AIRE: variants seen among roughly 807,000 people sequenced by gnomAD.
AIRE encodes the protein autoimmune polyendocrinopathy candidiasis ectodermal dystrophy protein.
A neutral mutation model predicts 62.1 loss-of-function variants in AIRE; 52 were observed. The ratio of observed to expected loss-of-function variants is 0.84; its 90% CI spans 0.67 to 1.06. The LOEUF (loss-of-function observed/expected upper bound fraction) is 1.06, where lower values mean the gene tolerates loss of function less well. Among genes scored for constraint, AIRE ranks in the 50% least tolerant of loss-of-function variants. The pLI is 0.00. For missense variants in AIRE, 774 were observed against 755.8 expected (o/e 1.02, Z -0.28); for synonymous variants, 342 against 321.6 (o/e 1.06, Z -0.68).
intron 10 of AIRE, 59 bp from the exon 11 acceptor site, chr21:44,293,730 C>T (rs1276958939): frequency 1.8e-5 from 29 of 1,592,988 alleles, no homozygotes; most frequent in Admixed American, 5.0e-5. Flanking sequence ...GGCTCGGGTT[C>T]GGGTTCAGCT....
Position 44,287,048 on chromosome 21 carries a change from C to T in AIRE, c.378C>T (p.Pro126=). ...TCCCCAAGGCTTTGGTACCGCCACC[C>T]AGACTCCCCACCAAGAGGAAGGCCT... ...PAVPKALVPP[P]RLPTKRKASE... Residue 126 remains proline, a synonymous_variant, in exon 3 of 14, where the codon CCC becomes CCT. Coordinates refer to ENST00000291582, the MANE Select transcript of AIRE (RefSeq NM_000383.4). The surrounding 1 kb of genome is among the most constrained non-coding windows in gnomAD (Gnocchi z 4.3). 1 of 1,612,842 alleles carries T rather than the reference C, an allele frequency of 6.2e-7. No homozygotes were observed. The highest frequency in any genetic ancestry group is 1.7e-4 in the Middle Eastern group (1 of 6,060).
At chr21:44,292,786 A>T (rs1221077415) in intron 9 of AIRE, among the ~76,000 whole-genome samples, 1 of 151,712 alleles carries the variant, frequency 6.6e-6, no homozygotes, top group Non-Finnish European at 1.5e-5. Context: ...TAGACGGGGG[A>T]GGAGGGAGGA....
chr21:44,292,879 A>AGCCCTCCGCCCCCACCCTGCCC, intron 9 of AIRE, 114 bp from the exon 10 acceptor site: 1 of 897,358 alleles, frequency 1.1e-6, no homozygotes, highest in South Asian at 1.4e-5. Flanking sequence ...CCACCATGCC[A>AGCCCTCCGCCCCCACCCTGCCC]GGCCTCTGCC....
chr21:44,291,466 G>A (rs1427981807), intron 8 of AIRE, among the ~76,000 whole-genome samples: 1 of 152,144 alleles, frequency 6.6e-6, no homozygotes, highest in South Asian at 2.1e-4. Flanking sequence ...GGCCCAGGGC[G>A]AAGATGCCAC....
Position 44,286,805 on chromosome 21 carries a change from G to A in AIRE, c.307+74G>A. ...TCACCTGCTCAGCCCAGCTGGACTG[G>A]AACCGGAGTGGTGTTTGAGGAGCCC... On this transcript the variant is annotated intron_variant, in intron 2 of 13. Transcript: ENST00000291582. This position sits in a 1 kb window ranked among gnomAD's most constrained non-coding sequence, Gnocchi z 6.0. 2 of 1,586,490 alleles carry A rather than the reference G, an allele frequency of 1.3e-6. No homozygotes were observed. Among genetic ancestry groups the A allele is most frequent in the South Asian group, 1.1e-5 (1 of 90,194 alleles).
rs778427208 is a variant in AIRE at position 44,293,032 on chromosome 21, G to A, written c.1135G>A (p.Gly379Ser). 6.2e-7 allele frequency: 1 copy of A among 1,612,552 alleles called. No individual in the cohort carries two copies. The highest frequency in any genetic ancestry group is 8.5e-7 in the Non-Finnish European group (1 of 1,179,834). The stretch of plus-strand genomic sequence containing the variant: ...TAGGTCGGCGGGAGAGGAGGTAAGA[G>A]GTCCACCTGGGGAACCCCTAGCCGG... The part of the protein sequence containing the change: ...GLRSAGEEVR[G>S]PPGEPLAGMD... The change falls in exon 10 of 14, where the codon GGT becomes AGT. Residue 379 changes from glycine (G) to serine (S), a missense_variant. Physicochemically the swap from Gly to Ser is moderately conservative, Grantham distance 56. Coordinates refer to ENST00000291582, the MANE Select transcript of AIRE (RefSeq NM_000383.4).
rs954685182 is a variant in AIRE at position 44,293,186 on chromosome 21, A to G, written c.1278+11A>G. On this transcript the variant is annotated intron_variant, in intron 10 of 13. Coordinates refer to ENST00000291582, the MANE Select transcript of AIRE (RefSeq NM_000383.4). ...CCTGAGGGTCAGCAGGTGAGCGGGG[A>G]GTGGGGGTCAGGGTGGGCTCTTCAA... The G allele has an allele frequency of 6.5e-7, 1 of 1,543,416 alleles. No homozygotes were observed. Among genetic ancestry groups the G allele is most frequent in the Non-Finnish European group, 8.8e-7 (1 of 1,142,768 alleles).
chr21:44,286,224 TC>T lies in AIRE; in HGVS notation c.132+88del. The T allele has an allele frequency of 9.0e-7, 1 of 1,116,928 alleles. No individual in the cohort carries two copies. The highest frequency in any genetic ancestry group is 1.1e-6 in the Non-Finnish European group (1 of 870,098). 69.2% of individuals were successfully genotyped at this position (1,116,928 alleles called of 1,614,324 possible). On this transcript the variant is annotated intron_variant, in intron 1 of 13. Transcript: ENST00000291582. This position sits in a 1 kb window ranked among gnomAD's most constrained non-coding sequence, Gnocchi z 6.0. ...GGAAGTTCCAGGAGGACCCCGCCCC[TC>T]CAGATCCCCAAGCCCCTCCAGCCTT...
intron 6 of AIRE, 51 bp downstream of exon 6, chr21:44,289,853 C>T (rs373522957): frequency 8.1e-6 from 13 of 1,611,060 alleles, no homozygotes; most frequent in Non-Finnish European, 1.1e-5. Context: ...CCCCCCGCCC[C>T]AGGAACAGCG....
Position 44,291,227 on chromosome 21 carries a change from G to T in AIRE, c.995+17G>T. 6.3e-7 allele frequency: 1 copy of T among 1,597,984 alleles called. No individual in the cohort carries two copies. The highest frequency in any genetic ancestry group is 8.5e-7 in the Non-Finnish European group (1 of 1,179,518). ...GATCCCCAGGTGAGCCTGCACCTCT[G>T]CCAGCGCAACCAGGCCACCCCGGTT... On this transcript the variant is annotated intron_variant, in intron 8 of 13. Transcript: ENST00000291582.
rs773495940 is a variant in AIRE, at chr21:44,286,524, C to G, written c.133-33C>G. ...GGGCAGGCCGCAGGGTGTGGGGGAC[C>G]ATGGCAGGGACCCTCATGCCACCCC... On this transcript the variant is annotated intron_variant, in intron 1 of 13. Coordinates refer to ENST00000291582, the MANE Select transcript of AIRE (RefSeq NM_000383.4). The surrounding 1 kb of genome is among the most constrained non-coding windows in gnomAD (Gnocchi z 6.0). 1 of 1,595,144 alleles carries G rather than the reference C, an allele frequency of 6.3e-7. No individual in the cohort carries two copies. The highest frequency in any genetic ancestry group is 1.3e-5 in the African/African-American group (1 of 74,552).
chr21:44,289,038 C>CA (rs2040509059), intron 5 of AIRE: 1 of 164,648 alleles, frequency 6.1e-6, no homozygotes, highest in African/African-American at 2.4e-5. Flanking sequence ...CTGGGAACAC[C>CA]AAGCACAGCC....
At position 44,288,844 on chromosome 21, in the gene AIRE, C is replaced by T. The variant is rs1381386671; in HGVS notation, c.652+386C>T. ...ACAGCCTGTAGCATAGCGTCCTTGCCCCCCATACCCTGGCCAGCCTGCAGC... is the reference window on the plus strand; with the variant it reads ...ACAGCCTGTAGCATAGCGTCCTTGCTCCCCATACCCTGGCCAGCCTGCAGC... On this transcript the variant is annotated intron_variant, in intron 5 of 13. Transcript: ENST00000291582. 1.5e-5 allele frequency: 3 copies of T among 205,468 alleles called. No homozygotes were observed. The Admixed American group carries it at 1.6e-4, about 11-fold the overall frequency. 12.7% of individuals were successfully genotyped at this position (205,468 alleles called of 1,614,324 possible). A position where few individuals can be genotyped will look rare whatever the true frequency, so the allele number is the denominator to read the frequency against.
chr21:44,293,071 C>G lies in AIRE; in HGVS notation c.1174C>G (p.Leu392Val). Residue 392 changes from leucine to valine, a missense_variant, in exon 10 of 14, where the codon CTT (leucine) becomes GTT (valine). Leu to Val is a conservative substitution (Grantham distance 32). This residue lies in a region of AIRE where 354 missense variants were observed against 296.1 expected (regional missense o/e 1.20). Transcript: ENST00000291582. The part of the protein sequence containing the change: ...GEPLAGMDTT[L>V]VYKHLPAPPS... ...ACCCCTAGCCGGCATGGACACGACT[C>G]TTGTCTACAAGCACCTGCCGGCTCC... is the stretch of plus-strand genomic sequence containing the variant. 1 of 1,612,444 alleles carries G rather than the reference C, an allele frequency of 6.2e-7. No individual in the cohort carries two copies. Among genetic ancestry groups the G allele is most frequent in the Non-Finnish European group, 8.5e-7 (1 of 1,179,826 alleles).
chr21:44,294,427 C>A lies in AIRE; in HGVS notation c.1427C>A (p.Ser476Ter). Reference sequence around the variant, plus strand: ...ACGGGCCTGCGCTGCAGATCCTGCTCAGGAGACGTGACCCCAGCCCCTGTG... The same window carrying A: ...ACGGGCCTGCGCTGCAGATCCTGCTAAGGAGACGTGACCCCAGCCCCTGTG... ...PGTGLRCRSC[S>*]GDVTPAPVEG... The change falls in exon 12 of 14, where the codon TCA becomes TAA. Residue 476 changes from serine (S) to a stop codon, truncating the protein, a stop_gained. Coordinates refer to ENST00000291582, the MANE Select transcript of AIRE (RefSeq NM_000383.4). LOFTEE classifies it high-confidence loss of function. 6.3e-7 allele frequency: 1 copy of A among 1,578,912 alleles called. No homozygotes were observed. The highest frequency in any genetic ancestry group is 1.1e-5 in the South Asian group (1 of 87,322).
intron 7 of AIRE, chr21:44,290,729 A>T: frequency 7.2e-7 from 1 of 1,396,202 alleles, no homozygotes; most frequent in African/African-American, 1.4e-5. Flanking sequence ...TGGGGGCTGC[A>T]GGTGGAGGAT....
chr21:44,295,641 G>A (rs2146387215), intron 12 of AIRE, among the ~76,000 whole-genome samples: 1 of 152,314 alleles, frequency 6.6e-6, no homozygotes, highest in African/African-American at 2.4e-5. Context: ...GATGTGAAAT[G>A]TAACGCCATG....
In AIRE at chr21:44,286,661, G is replaced by A; in HGVS notation, c.237G>A (p.Arg79=). 5.6e-6 allele frequency: 9 copies of A among 1,613,078 alleles called. No individual in the cohort carries two copies. The highest frequency in any genetic ancestry group is 6.8e-6 in the Non-Finnish European group (8 of 1,180,014). The stretch of plus-strand genomic sequence containing the variant: ...CCACAGCCATCCTGGACTTCTGGAG[G>A]GTGCTGTTCAAGGACTACAACCTGG... The part of the protein sequence containing the change: ...QDSTAILDFW[R]VLFKDYNLER... The change falls in exon 2 of 14, where the codon AGG becomes AGA. Residue 79 remains arginine (R), a synonymous_variant. Coordinates refer to ENST00000291582, the MANE Select transcript of AIRE (RefSeq NM_000383.4). This position sits in a 1 kb window ranked among gnomAD's most constrained non-coding sequence, Gnocchi z 6.0.
rs986045703 is a variant in AIRE at position 44,298,594 on chromosome 21, G to C, written c.*867G>C. ...TTGTGAGTAATGCTGCTATGAATAT[G>C]TGTGTGCAAATATCTGTGTGAGTCT... On this transcript the variant is annotated 3_prime_UTR_variant, in exon 14 of 14. Coordinates refer to ENST00000291582, the MANE Select transcript of AIRE (RefSeq NM_000383.4). 2 of 152,272 alleles carry C rather than the reference G, an allele frequency of 1.3e-5. No homozygotes were observed. Among genetic ancestry groups the C allele is most frequent in the African/African-American group, 4.8e-5 (2 of 41,444 alleles). 9.4% of individuals were successfully genotyped at this position (152,272 alleles called of 1,614,324 possible). A position where few individuals can be genotyped will look rare whatever the true frequency, so the allele number is the denominator to read the frequency against.
Sources: allele counts gnomAD v4.1 joint callset (sites outside exome capture counted in the v4.1 genomes callset), GRCh38; gene constraint gnomAD v4.1.1; regional missense constraint gnomAD v4.1.1; non-coding constraint Gnocchi (gnomAD v3.1); transcripts MANE v1.5; gene names NCBI Gene and HGNC (gene_info 2026-07-23, HGNC 2026-07-21).